Variants in PNPLA7 observed in about 807,000 individuals in gnomAD.
The protein encoded by PNPLA7 is patatin like domain 7, lysophospholipase.
PNPLA7 carries 153 observed loss-of-function variants against 161.7 expected under a neutral mutation model. The ratio of observed to expected loss-of-function variants is 0.95; its 90% CI spans 0.83 to 1.08. PNPLA7 has a LOEUF of 1.08. PNPLA7 is among the 50% of genes least tolerant of loss of function. PNPLA7 has a pLI of 0.00. For missense variants in PNPLA7, 1,739 were observed against 1,856.6 expected (o/e 0.94, Z 1.16); for synonymous variants, 809 against 782.1 (o/e 1.03, Z -0.57).
intron 8 of PNPLA7, among the ~76,000 whole-genome samples, chr9:137,535,052 G>A (rs1443014974): frequency 6.6e-6 from 1 of 152,244 alleles, no homozygotes; most frequent in African/African-American, 2.4e-5. Context: ...GAGAGACCAC[G>A]TGGCCCATAA....
intron 29 of PNPLA7, 186 bp downstream of exon 29, chr9:137,463,229 G>A (rs1254042441): frequency 3.3e-6 from 2 of 612,024 alleles, no homozygotes; most frequent in African/African-American, 3.7e-5. Flanking sequence ...GCCTGCGTGT[G>A]CATGTACACG....
rs58417100 is a variant in PNPLA7, at chr9:137,475,010, CAAAAAA to C, written c.2882+3018_2882+3023del. ...ACTGCGACAGAACAAGACTCTGCCT[CAAAAAA>C]AAAAAAAAAAAAAAAAGAAGCTCCA... On this transcript the variant is annotated intron_variant, in intron 25 of 34. Transcript: ENST00000406427. Among the ~76,000 whole-genome samples the C allele has an allele frequency of 6.1e-3, 386 of 63,620 alleles. 2 individuals carry two copies. The highest frequency in any genetic ancestry group is 0.012 in the Admixed American group (55 of 4,778). 41.7% of individuals were successfully genotyped at this position (63,620 alleles called of 152,430 possible). A position where few individuals can be genotyped will look rare whatever the true frequency, so the allele number is the denominator to read the frequency against.
chr9:137,471,760 G>A lies in PNPLA7; in HGVS notation c.2883-4287C>T, dbSNP rs185965188. On this transcript the variant is annotated intron_variant, in intron 25 of 34. Transcript: ENST00000406427. ...CTAAGTACATGGGGAGATCTGTCTA[G>A]ATTGTGGGCTGGAAGGCTCAATGTT... Among the ~76,000 whole-genome samples the A allele has an allele frequency of 1.9e-3, 285 of 152,052 alleles. 3 individuals are homozygous for A. The highest frequency in any genetic ancestry group is 0.01 in the Middle Eastern group (3 of 292).
At chr9:137,478,371 C>T in intron 24 of PNPLA7, 1 of 385,632 alleles carries the variant, frequency 2.6e-6, no homozygotes, top group Non-Finnish European at 4.5e-6. Flanking sequence ...AGGACACTGG[C>T]AGAGGGTACG....
chr9:137,527,954 T>C (rs1162144870), intron 8 of PNPLA7, among the ~76,000 whole-genome samples: 2 of 152,228 alleles, frequency 1.3e-5, no homozygotes, highest in East Asian at 3.8e-4. Flanking sequence ...AGATAATCTA[T>C]ATCTGAGGGA....
rs1378689147 is a variant in PNPLA7 at position 137,499,079 on chromosome 9, G to A, written c.1758-834C>T. Among the ~76,000 whole-genome samples the A allele has an allele frequency of 6.6e-6, 1 of 151,954 alleles. No homozygotes were observed. The highest frequency in any genetic ancestry group is 1.5e-5 in the Non-Finnish European group (1 of 67,960). On this transcript the variant is annotated intron_variant, in intron 16 of 34. Transcript: ENST00000406427. This position sits in a 1 kb window ranked among gnomAD's most constrained non-coding sequence, Gnocchi z 5.5. ...GAGGAGCCCTGGGATGCTGGCTGGG[G>A]TGACGGCTGCAAGGCACACCATGCA...
Position 137,479,775 on chromosome 9 carries a change from G to A in PNPLA7, c.2580+537C>T, listed in dbSNP as rs1435496683. ...TGCAGCAATGGCCAGGTGGAAGGAA[G>A]CAATCAGGTCAGTGATCTGCTGCCA... is the stretch of plus-strand genomic sequence containing the variant. On this transcript the variant is annotated intron_variant, in intron 23 of 34. Transcript: ENST00000406427. 1.1e-5 allele frequency: 11 copies of A among 985,312 alleles called. No individual in the cohort carries two copies. In the Admixed American group the frequency reaches 4.3e-4, roughly 39 times the overall value. 61.0% of individuals were successfully genotyped at this position (985,312 alleles called of 1,614,324 possible).
chr9:137,549,199 AG>A (rs1836706588), intron 1 of PNPLA7, among the ~76,000 whole-genome samples: 1 of 152,280 alleles, frequency 6.6e-6, no homozygotes. Context: ...AAAAGATTCT[AG>A]GGCTGGGCAC....
intron 23 of PNPLA7, chr9:137,479,567 C>T (rs1832106543): frequency 9.4e-7 from 1 of 1,065,896 alleles, no homozygotes; most frequent in Non-Finnish European, 1.1e-6. Context: ...GGGAGCATCA[C>T]TAGCTGCAGA....
In PNPLA7 at chr9:137,543,664, G is replaced by A; in HGVS notation, c.365+60C>T. 2 of 1,611,834 alleles carry A rather than the reference G, an allele frequency of 1.2e-6. No individual in the cohort carries two copies. The highest frequency in any genetic ancestry group is 8.5e-7 in the Non-Finnish European group (1 of 1,178,562). ...TGACACACCAGGCAGCTCAGGGTTGGGGAGGCCAGCACCATGGGGGGCACC... is the reference window on the plus strand; with the variant it reads ...TGACACACCAGGCAGCTCAGGGTTGAGGAGGCCAGCACCATGGGGGGCACC... On this transcript the variant is annotated intron_variant, in intron 5 of 34. Coordinates refer to ENST00000406427, the MANE Select transcript of PNPLA7 (RefSeq NM_001098537.3). This position sits in a 1 kb window ranked among gnomAD's most constrained non-coding sequence, Gnocchi z 6.9.
chr9:137,509,749 A>G, intron 12 of PNPLA7: 2 of 455,950 alleles, frequency 4.4e-6, no homozygotes, highest in South Asian at 3.1e-5. Context: ...GAGGCTGAGG[A>G]GTAGACGCTG....
chr9:137,477,968 G>A (rs1282428394), intron 25 of PNPLA7, 66 bp downstream of exon 25: 2 of 1,223,148 alleles, frequency 1.6e-6, no homozygotes, highest in Non-Finnish European at 2.1e-6. Context: ...GCACCTCCTA[G>A]CACCCGAGGG....
chr9:137,539,879 G>A (rs1433855237), intron 8 of PNPLA7, among the ~76,000 whole-genome samples: 8 of 151,998 alleles, frequency 5.3e-5, no homozygotes, highest in Admixed American at 4.6e-4. Context: ...TCTACCTCCC[G>A]GGTTCATGCG....
At chr9:137,503,969 GAAGAAGAAGGAAGAAGA>G (rs1339809176) in intron 14 of PNPLA7, among the ~76,000 whole-genome samples, 18 of 64,446 alleles carry the variant, frequency 2.8e-4, no homozygotes, top group Non-Finnish European at 6.9e-5. Context: ...GAAGAAGGAA[GAAGAAGAAGGAAGAAGA>G]AAGAAGCAAG....
rs1264632754 is a variant in PNPLA7, at chr9:137,467,001, G to A, written c.3039+316C>T. On this transcript the variant is annotated intron_variant, in intron 26 of 34. Transcript: ENST00000406427. The surrounding 1 kb of genome is among the most constrained non-coding windows in gnomAD (Gnocchi z 5.1). ...CCACCGTCTCCACCATCTCAGACCCGTGCACAGATCAGACCGCCTCCCACC... is the reference window on the plus strand; with the variant it reads ...CCACCGTCTCCACCATCTCAGACCCATGCACAGATCAGACCGCCTCCCACC... Among the ~76,000 whole-genome samples, 7 of 141,892 alleles carry A rather than the reference G, an allele frequency of 4.9e-5. No homozygotes were observed. Among genetic ancestry groups the A allele is most frequent in the Admixed American group, 6.9e-5 (1 of 14,490 alleles). The allele number at this position is 141,892 out of a possible 152,430, so 93.1% of individuals were successfully genotyped here. A position where few individuals can be genotyped will look rare whatever the true frequency, so the allele number is the denominator to read the frequency against.
At position 137,476,230 on chromosome 9, in the gene PNPLA7, G is replaced by A. The variant is rs117358503; in HGVS notation, c.2882+1804C>T. Among the ~76,000 whole-genome samples the A allele has an allele frequency of 1.0e-3, 154 of 152,204 alleles. 4 individuals carry two copies. The East Asian group carries it at 0.027, about 27-fold the overall frequency. ...GGTTAATGCCTGCCTCAGTGTCTTC[G>A]GGTAAATTAAGGATACCCAGAAAAC... is the stretch of plus-strand genomic sequence containing the variant. On this transcript the variant is annotated intron_variant, in intron 25 of 34. Coordinates refer to ENST00000406427, the MANE Select transcript of PNPLA7 (RefSeq NM_001098537.3). This position sits in a 1 kb window ranked among gnomAD's most constrained non-coding sequence, Gnocchi z 4.5.
chr9:137,539,343 AAAACAAAC>A (rs542426766), intron 8 of PNPLA7, among the ~76,000 whole-genome samples: 23 of 152,102 alleles, frequency 1.5e-4, no homozygotes, highest in African/African-American at 5.3e-4. Context: ...ACTCCATCTC[AAAACAAAC>A]AAACAAACAA....
At chr9:137,546,005 G>A (rs552767290) in intron 4 of PNPLA7, among the ~76,000 whole-genome samples, 6 of 151,926 alleles carry the variant, frequency 3.9e-5, no homozygotes, top group South Asian at 2.1e-4. Context: ...CATCAGTCAG[G>A]TTCGCCCGCA....
At chr9:137,516,960 A>G (rs1326831337) in intron 11 of PNPLA7, among the ~76,000 whole-genome samples, 1 of 151,588 alleles carries the variant, frequency 6.6e-6, no homozygotes, top group Non-Finnish European at 1.5e-5. Context: ...GAGTAACACC[A>G]CTCTGCTCAC....
Sources: gnomAD v4.1 joint callset for allele counts (sites outside exome capture counted in the v4.1 genomes callset) on GRCh38, gnomAD v4.1.1 for gene constraint, Gnocchi (gnomAD v3.1) non-coding constraint, MANE v1.5 for transcripts, NCBI Gene and HGNC (gene_info 2026-07-23, HGNC 2026-07-21) for gene names.